FGFR2: variants seen among roughly 807,000 people sequenced by gnomAD.
FGFR2 encodes the protein BEK fibroblast growth factor receptor.
FGFR2 carries 19 observed loss-of-function variants against 95.9 expected under a neutral mutation model. The ratio of observed to expected loss-of-function variants is 0.20; its 90% confidence interval spans 0.14 to 0.29. FGFR2 has a LOEUF of 0.29. FGFR2 is among the 10% of genes least tolerant of loss of function. FGFR2 has a pLI of 1.00. For synonymous variants in FGFR2, 392 were observed against 393.3 expected, an observed-to-expected ratio of 1.00 and a Z score of 0.04; for missense variants, 707 against 1,056.9, an observed-to-expected ratio of 0.67 and a Z score of 4.59.
chr10:121,578,010 C>T (rs1008174412), intron 2 of FGFR2, among the ~76,000 whole-genome samples: 1 of 152,092 alleles, frequency 6.6e-6, no homozygotes, highest in East Asian at 1.9e-4. Flanking sequence ...TTAGGCCTAT[C>T]CCTGATAGAA....
intron 4 of FGFR2, among the ~76,000 whole-genome samples, chr10:121,556,080 T>C (rs1856081680): frequency 6.6e-6 from 1 of 152,152 alleles, no homozygotes; most frequent in Non-Finnish European, 1.5e-5. Context: ...CTTTAGCCTA[T>C]GGAGTAGGCA....
In FGFR2 at chr10:121,487,203, C is replaced by T. The variant is rs12768192; in HGVS notation, c.2057+151G>A. 5.4e-6 allele frequency: 4 copies of T among 743,488 alleles called. No individual in the cohort carries two copies. The African/African-American group carries it at 7.0e-5, about 13-fold the overall frequency. The allele number at this position is 743,488 out of a possible 1,614,324, so 46.1% of individuals were successfully genotyped here. A position where few individuals can be genotyped will look rare whatever the true frequency, so the allele number is the denominator to read the frequency against. On this transcript the variant is annotated intron_variant, in intron 15 of 17. Transcript: ENST00000358487. Reference sequence around the variant, plus strand: ...TAACAGAGCATTGGTTATCAGCCTACCATAAAATCTGTCCTTTCTAAGGCC... The same window carrying T: ...TAACAGAGCATTGGTTATCAGCCTATCATAAAATCTGTCCTTTCTAAGGCC...
At chr10:121,538,958 A>G (rs1468458610) in intron 5 of FGFR2, among the ~76,000 whole-genome samples, 1 of 152,250 alleles carries the variant, frequency 6.6e-6, no homozygotes, top group African/African-American at 2.4e-5. Context: ...GGCAGTGTAC[A>G]GCGTGGGTCT....
At chr10:121,519,412 A>T (rs1268249981) in intron 7 of FGFR2, among the ~76,000 whole-genome samples, 2 of 152,226 alleles carry the variant, frequency 1.3e-5, no homozygotes, top group East Asian at 3.9e-4. Context: ...AATATGACCT[A>T]GAGTTTATTG....
intron 1 of FGFR2, among the ~76,000 whole-genome samples, chr10:121,597,228 TC>T (rs1863559774): frequency 6.6e-6 from 1 of 152,092 alleles, no homozygotes; most frequent in African/African-American, 2.4e-5. Flanking sequence ...TCGGCTTTTT[TC>T]CCCAGCGCGG....
At chr10:121,578,984 G>C (rs532067508) in intron 2 of FGFR2, among the ~76,000 whole-genome samples, 1 of 152,280 alleles carries the variant, frequency 6.6e-6, no homozygotes, top group South Asian at 2.1e-4. Flanking sequence ...ATTTCCCACA[G>C]GTGAGGCCTG....
chr10:121,554,663 G>T (rs569015437), intron 4 of FGFR2, among the ~76,000 whole-genome samples: 15 of 151,994 alleles, frequency 9.9e-5, no homozygotes, highest in African/African-American at 2.9e-4. Flanking sequence ...GAGCTACCGC[G>T]CCCGGCTGGA....
chr10:121,591,516 G>A (rs1279392037), intron 2 of FGFR2, among the ~76,000 whole-genome samples: 3 of 152,144 alleles, frequency 2.0e-5, no homozygotes, highest in African/African-American at 7.2e-5. Flanking sequence ...GACTTCTGAG[G>A]ACATTAATAT....
intron 2 of FGFR2, among the ~76,000 whole-genome samples, chr10:121,580,480 C>A (rs1437281883): frequency 6.6e-6 from 1 of 152,178 alleles, no homozygotes; most frequent in Non-Finnish European, 1.5e-5. Context: ...CATCTCGAAA[C>A]CCGTGCAGAC....
At chr10:121,545,514 C>A (rs889464289) in intron 5 of FGFR2, among the ~76,000 whole-genome samples, 2 of 152,240 alleles carry the variant, frequency 1.3e-5, no homozygotes, top group East Asian at 3.9e-4. Flanking sequence ...TGGTAAGTCA[C>A]GACGCAGGGG....
intron 12 of FGFR2, 94 bp from the exon 13 acceptor site, chr10:121,496,816 T>A (rs1041652981): frequency 4.2e-5 from 8 of 188,948 alleles, no homozygotes; most frequent in African/African-American, 1.6e-4. Flanking sequence ...CAACCCATGC[T>A]TTTTTTTTTT....
intron 5 of FGFR2, among the ~76,000 whole-genome samples, chr10:121,545,051 G>A (rs1197739294): frequency 6.6e-6 from 1 of 152,170 alleles, no homozygotes; most frequent in Non-Finnish European, 1.5e-5. Context: ...GCTGAGGCAG[G>A]AGGATCACTT....
At chr10:121,546,336 G>A (rs1218670492) in intron 5 of FGFR2, among the ~76,000 whole-genome samples, 2 of 152,162 alleles carry the variant, frequency 1.3e-5, no homozygotes, top group Non-Finnish European at 2.9e-5. Flanking sequence ...GGATTCTGGG[G>A]CACAGAGAGC....
At chr10:121,493,841 C>T (rs1846443173) in intron 13 of FGFR2, among the ~76,000 whole-genome samples, 1 of 152,100 alleles carries the variant, frequency 6.6e-6, no homozygotes, top group African/African-American at 2.4e-5. Flanking sequence ...ATCTATGCCC[C>T]CTGCCCCAGC....
intron 1 of FGFR2, among the ~76,000 whole-genome samples, chr10:121,595,841 A>C (rs763620205): frequency 3.9e-5 from 6 of 152,180 alleles, no homozygotes; most frequent in Non-Finnish European, 7.3e-5. Context: ...CTGAATCTCA[A>C]GCCGTTCCAT....
chr10:121,519,816 C>T, intron 7 of FGFR2, 163 bp downstream of exon 7: 1 of 652,430 alleles, frequency 1.5e-6, no homozygotes, highest in Admixed American at 2.8e-5. Flanking sequence ...TGAAATTCTA[C>T]TAGCAAGTGT....
At chr10:121,526,656 C>T (rs1209710409) in intron 6 of FGFR2, 1 of 398,446 alleles carries the variant, frequency 2.5e-6, no homozygotes, top group African/African-American at 2.1e-5. Flanking sequence ...GCCCAGGTGC[C>T]CACAGCCAGT....
intron 5 of FGFR2, among the ~76,000 whole-genome samples, chr10:121,539,059 C>T (rs1316829928): frequency 1.3e-5 from 2 of 152,236 alleles, no homozygotes; most frequent in African/African-American, 4.8e-5. Flanking sequence ...TGGCCACGGG[C>T]AGGCGAGCTA....
chr10:121,503,958 A>G lies in FGFR2; in HGVS notation c.1288-17T>C. On this transcript the variant is annotated splice_polypyrimidine_tract_variant and intron_variant, in intron 9 of 17. Coordinates refer to ENST00000358487, the MANE Select transcript of FGFR2 (RefSeq NM_000141.5). ...AGCCGAAACCTGGATACAAAATGCA[A>G]AGACACAGATGTAATCCTGGCTCCA... 1 of 1,613,924 alleles carries G rather than the reference A, an allele frequency of 6.2e-7. No individual in the cohort carries two copies.
Sources: allele counts gnomAD v4.1 joint callset (sites outside exome capture counted in the v4.1 genomes callset), GRCh38; gene constraint gnomAD v4.1.1; transcripts MANE v1.5; gene names NCBI Gene and HGNC (gene_info 2026-07-23, HGNC 2026-07-21).